Variants in CCPG1 observed in about 807,000 individuals in gnomAD.
CCPG1 encodes cell cycle progression 1, also known as cell cycle progression protein 1.
CCPG1 carries 46 observed loss-of-function variants against 81.3 expected under a neutral mutation model. That is an observed-to-expected ratio of 0.57 (90% CI 0.45 to 0.72). The LOEUF is 0.72. Among genes scored for constraint, CCPG1 ranks in the 30% least tolerant of loss-of-function variants. The pLI is 0.00. For synonymous variants in CCPG1, 330 were observed against 305.2 expected, an observed-to-expected ratio of 1.08 and a Z score of -0.85; for missense variants, 902 against 937.6, an observed-to-expected ratio of 0.96 and a Z score of 0.50.
Position 55,358,972 on chromosome 15 carries a change from G to T in CCPG1, c.2234+567C>A, listed in dbSNP as rs528089706. 89 of 975,550 alleles carry T rather than the reference G, an allele frequency of 9.1e-5. No individual in the cohort carries two copies. In the Admixed American group the frequency reaches 2.5e-3, roughly 27 times the overall value. 60.4% of individuals were successfully genotyped at this position (975,550 alleles called of 1,614,324 possible). A position where few individuals can be genotyped will look rare whatever the true frequency, so the allele number is the denominator to read the frequency against. ...ATGAAAATGGATAAAAAATTATTAT[G>T]AAGTACACACATTAGAATTTGACTT... On this transcript the variant is annotated intron_variant, in intron 8 of 8. Coordinates refer to ENST00000442196, the MANE Select transcript of CCPG1 (RefSeq NM_001204450.2).
In CCPG1 at chr15:55,364,158, A is replaced by G. The variant is rs78304046; in HGVS notation, c.828+1030T>C. Among the ~76,000 whole-genome samples, 1,241 of 150,778 alleles carry G rather than the reference A, an allele frequency of 8.2e-3. 77 individuals carry two copies. Among genetic ancestry groups the G allele is most frequent in the Non-Finnish European group, 0.014 (921 of 67,526 alleles). ...ATTTCTCTCTACAACCTTCTTAGGA[A>G]AAAACTAGATAAGAGACCAGCTATT... On this transcript the variant is annotated intron_variant, in intron 7 of 8. Transcript: ENST00000442196.
chr15:55,373,574 T>G (rs1207993495), intron 5 of CCPG1, among the ~76,000 whole-genome samples: 1 of 152,208 alleles, frequency 6.6e-6, no homozygotes, highest in Non-Finnish European at 1.5e-5. Flanking sequence ...ATGACCCTTA[T>G]GCCCATCATG....
chr15:55,366,662 C>CT (rs2056334478), intron 6 of CCPG1, among the ~76,000 whole-genome samples: 1 of 152,114 alleles, frequency 6.6e-6, no homozygotes, highest in Non-Finnish European at 1.5e-5. Context: ...ATCCCAGCTA[C>CT]TCGGGAGGCT....
At chr15:55,368,509 G>A (rs960807498) in intron 6 of CCPG1, among the ~76,000 whole-genome samples, 4 of 152,146 alleles carry the variant, frequency 2.6e-5, no homozygotes, top group Non-Finnish European at 5.9e-5. Context: ...GTCTGCCGAA[G>A]AGCCGGGTAG....
chr15:55,395,520 C>CTGAGAAGGTTTGAGGGG (rs1394781497), intron 1 of CCPG1, among the ~76,000 whole-genome samples: 1 of 152,006 alleles, frequency 6.6e-6, no homozygotes, highest in Non-Finnish European at 1.5e-5. Context: ...CCGCTTTGCC[C>CTGAGAAGGTTTGAGGGG]AACCTTCTCA....
chr15:55,387,890 G>A (rs1442991973), intron 2 of CCPG1, among the ~76,000 whole-genome samples: 4 of 146,590 alleles, frequency 2.7e-5, no homozygotes, highest in East Asian at 4.6e-4. Flanking sequence ...GGTGGCTCAC[G>A]CCTGTAATCC....
chr15:55,396,929 G>T (rs949722635), intron 1 of CCPG1, among the ~76,000 whole-genome samples: 6 of 152,174 alleles, frequency 3.9e-5, no homozygotes, highest in African/African-American at 1.4e-4. Flanking sequence ...GATAAGCCGG[G>T]CGCGGTGGCT....
At position 55,360,513 on chromosome 15, in the gene CCPG1, T is replaced by G. The variant is rs760185759; in HGVS notation, c.1260A>C (p.Glu420Asp). Residue 420 changes from glutamate to aspartate, a missense_variant, in exon 8 of 9, where the codon GAA becomes GAC. Physicochemically the swap from Glu to Asp is conservative, Grantham distance 45 (BLOSUM62 2). Transcript: ENST00000442196. ...CCCGTAAGATTGCTATTTCCTTTTT[T>G]TCAGTATATACATTGGGAGAATCTG... Reference protein sequence around the residue: ...GKSDSPNVYTEKKEIAILRER... With the variant: ...GKSDSPNVYTDKKEIAILRER... The G allele has an allele frequency of 6.2e-7, 1 of 1,614,084 alleles. No individual in the cohort carries two copies. Among genetic ancestry groups the G allele is most frequent in the Non-Finnish European group, 8.5e-7 (1 of 1,180,040 alleles).
In CCPG1 at chr15:55,365,190, T is replaced by C. The variant is rs1197233639; in HGVS notation, c.826A>G (p.Lys276Glu). ...TAAATACTGTTAGTGGTACATACCTTATAATCTATAAAAGATTCTTGTTCC... is the reference window on the plus strand; with the variant it reads ...TAAATACTGTTAGTGGTACATACCTCATAATCTATAAAAGATTCTTGTTCC... ...QQEQESFIDYKSLKENLARCW... is the reference protein window; with the variant it reads ...QQEQESFIDYESLKENLARCW... The change falls in exon 7 of 9, where the codon AAG becomes GAG. Residue 276 changes from lysine (K) to glutamate (E), a missense_variant and splice_region_variant. This residue lies in a region of CCPG1 where 746 missense variants were observed against 728.6 expected (regional missense o/e 1.02). Transcript: ENST00000442196. The C allele has an allele frequency of 6.9e-7, 1 of 1,448,012 alleles. No individual in the cohort carries two copies. Among genetic ancestry groups the C allele is most frequent in the Non-Finnish European group, 9.5e-7 (1 of 1,049,498 alleles). The allele number at this position is 1,448,012 out of a possible 1,614,324, so 89.7% of individuals were successfully genotyped here.
intron 7 of CCPG1, among the ~76,000 whole-genome samples, chr15:55,364,697 C>T (rs754157208): frequency 1.3e-5 from 2 of 150,402 alleles, no homozygotes. Context: ...ATAGTGAAAC[C>T]CCGTCTCTAC....
rs969806811 is a variant in CCPG1 at position 55,385,529 on chromosome 15, A to G, written c.175+71T>C. 7 of 747,080 alleles carry G rather than the reference A, an allele frequency of 9.4e-6. No homozygotes were observed. In the Admixed American group the frequency reaches 1.2e-4, roughly 13 times the overall value. 46.3% of individuals were successfully genotyped at this position (747,080 alleles called of 1,614,324 possible). ...TAGCCAGAAAGGCCACCCACCTGGA[A>G]AGAAGGCAAGACTCATAATATCACT... On this transcript the variant is annotated intron_variant, in intron 3 of 8. Coordinates refer to ENST00000442196, the MANE Select transcript of CCPG1 (RefSeq NM_001204450.2).
At chr15:55,357,283 A>G in intron 8 of CCPG1, 1 of 980,552 alleles carries the variant, frequency 1.0e-6, no homozygotes, top group Non-Finnish European at 1.2e-6. Flanking sequence ...GTTACTTTCT[A>G]CTTCTCCTTC....
intron 8 of CCPG1, chr15:55,356,882 T>G: frequency 1.0e-6 from 1 of 985,992 alleles, no homozygotes; most frequent in Non-Finnish European, 1.2e-6. Flanking sequence ...ACTACTTCAC[T>G]GGAAGTCCAT....
intron 5 of CCPG1, among the ~76,000 whole-genome samples, chr15:55,375,001 G>A (rs1473563497): frequency 2.6e-5 from 4 of 152,176 alleles, no homozygotes; most frequent in African/African-American, 9.7e-5. Context: ...TTTATATGCA[G>A]TGTTTTCAGT....
intron 6 of CCPG1, among the ~76,000 whole-genome samples, chr15:55,365,972 A>C (rs888160914): frequency 1.3e-5 from 2 of 152,060 alleles, no homozygotes; most frequent in Non-Finnish European, 2.9e-5. Context: ...AAGTAAATGA[A>C]AGCCCATGAT....
chr15:55,388,552 T>C (rs1010515627), intron 2 of CCPG1, among the ~76,000 whole-genome samples: 1 of 152,196 alleles, frequency 6.6e-6, no homozygotes, highest in Non-Finnish European at 1.5e-5. Context: ...AAGCTTTAGT[T>C]TTCTCAACTA....
At position 55,385,741 on chromosome 15, in the gene CCPG1, TA is replaced by T. The variant is rs767256287; in HGVS notation, c.61-28del. 1.1e-5 allele frequency: 14 copies of T among 1,240,566 alleles called. No homozygotes were observed. The Admixed American group carries it at 2.4e-4, about 21-fold the overall frequency. The allele number at this position is 1,240,566 out of a possible 1,614,324, so 76.8% of individuals were successfully genotyped here. A position where few individuals can be genotyped will look rare whatever the true frequency, so the allele number is the denominator to read the frequency against. ...TAAGGAAAAGTGATAATCTTTCAGT[TA>T]TTTGCCTATTAGCTCCTCAAAGCTA... On this transcript the variant is annotated intron_variant, in intron 2 of 8. Transcript: ENST00000442196.
At chr15:55,398,783 T>C (rs2057071302) in intron 1 of CCPG1, among the ~76,000 whole-genome samples, 2 of 152,244 alleles carry the variant, frequency 1.3e-5, no homozygotes, top group African/African-American at 2.4e-5. Context: ...GGTTTCACCA[T>C]GTTGGCCAGG....
chr15:55,368,159 G>A (rs1328371174), intron 6 of CCPG1, among the ~76,000 whole-genome samples: 4 of 152,120 alleles, frequency 2.6e-5, no homozygotes, highest in Non-Finnish European at 5.9e-5. Context: ...TAGTACGTAT[G>A]GATTTTGGTA....
Sources: gnomAD v4.1 joint callset for allele counts (sites outside exome capture counted in the v4.1 genomes callset) on GRCh38, gnomAD v4.1.1 for gene constraint, gnomAD v4.1.1 regional missense constraint, MANE v1.5 for transcripts, NCBI Gene and HGNC (gene_info 2026-07-23, HGNC 2026-07-21) for gene names.